SIMC1: variants seen among roughly 807,000 people sequenced by gnomAD.
The protein encoded by SIMC1 is SUMO interacting motifs containing 1.
Under a neutral mutation model 82.3 loss-of-function variants are expected in SIMC1, and 55 were observed. The ratio of observed to expected loss-of-function variants is 0.67; its 90% confidence interval spans 0.54 to 0.84. The LOEUF is 0.84. Ranked by LOEUF, SIMC1 falls within the 40% of genes least tolerant of loss-of-function variation. The probability of loss-of-function intolerance (pLI) is 0.00; values close to 1 mark genes in which losing one functional copy is unlikely to be tolerated. For missense variants in SIMC1, 915 were observed against 1,107.2 expected (o/e 0.83, Z 2.46); for synonymous variants, 353 against 426.3 (o/e 0.83, Z 2.12).
In SIMC1 at chr5:176,345,646, T is replaced by A. The variant is rs1049857656; in HGVS notation, c.*201T>A. The A allele has an allele frequency of 1.9e-5, 7 of 373,546 alleles. No individual in the cohort carries two copies. The highest frequency in any genetic ancestry group is 3.2e-5 in the Non-Finnish European group (7 of 216,358). 23.1% of individuals were successfully genotyped at this position (373,546 alleles called of 1,614,324 possible). On this transcript the variant is annotated 3_prime_UTR_variant, in exon 10 of 10. Coordinates refer to ENST00000429602, the MANE Select transcript of SIMC1 (RefSeq NM_001308195.2). The stretch of plus-strand genomic sequence containing the variant: ...AGCCTGTTCTCAAATATGGCTTAAA[T>A]ATACAAGGTATATATATTTTTTAAT...
chr5:176,329,387 C>T (rs1053650407), intron 7 of SIMC1, among the ~76,000 whole-genome samples: 1 of 151,466 alleles, frequency 6.6e-6, no homozygotes, highest in East Asian at 1.9e-4. Context: ...AGGAGAATGG[C>T]GTGAACCCGG....
In SIMC1 at chr5:176,290,734, C is replaced by G. The variant is rs1026670697; in HGVS notation, c.1210C>G (p.Pro404Ala). ...CTCTCCCAGCCCACAGTCTGAAACT[C>G]CCTTAGAGAAAGTTCCTTGGCTCTC... ...SCSPSPQSET[P>A]LEKVPWLSVM... Residue 404 changes from proline (P) to alanine (A), a missense_variant, in exon 2 of 10, where the codon CCC (proline) becomes GCC (alanine). Coordinates refer to ENST00000429602, the MANE Select transcript of SIMC1 (RefSeq NM_001308195.2). 6.2e-7 allele frequency: 1 copy of G among 1,613,592 alleles called. No individual in the cohort carries two copies. The highest frequency in any genetic ancestry group is 8.5e-7 in the Non-Finnish European group (1 of 1,179,746).
chr5:176,263,655 A>G (rs562756166), intron 1 of SIMC1, among the ~76,000 whole-genome samples: 2 of 152,322 alleles, frequency 1.3e-5, no homozygotes, highest in Admixed American at 6.5e-5. Context: ...TACCTCCAAC[A>G]TTGGGGATCA....
intron 6 of SIMC1, 90 bp from the exon 7 acceptor site, chr5:176,324,539 C>G (rs867506897): frequency 2.2e-6 from 3 of 1,357,254 alleles, no homozygotes; most frequent in Non-Finnish European, 2.0e-6. Context: ...TCTCTACTCT[C>G]GATGTACACT....
intron 9 of SIMC1, among the ~76,000 whole-genome samples, chr5:176,343,621 T>C (rs978433330): frequency 2.6e-5 from 4 of 152,218 alleles, no homozygotes; most frequent in Non-Finnish European, 5.9e-5. Flanking sequence ...TACCTATTGA[T>C]CCATGTATAT....
At chr5:176,273,385 G>T (rs952136128) in intron 1 of SIMC1, among the ~76,000 whole-genome samples, 1 of 152,120 alleles carries the variant, frequency 6.6e-6, no homozygotes, top group African/African-American at 2.4e-5. Context: ...CTGTTAGAAG[G>T]AAAACTAACA....
chr5:176,334,228 T>C (rs1003531763), intron 7 of SIMC1, among the ~76,000 whole-genome samples: 1 of 152,198 alleles, frequency 6.6e-6, no homozygotes, highest in South Asian at 2.1e-4. Flanking sequence ...CTGGACATTG[T>C]GGGCACTACA....
chr5:176,274,670 A>C (rs1389417542), intron 1 of SIMC1, among the ~76,000 whole-genome samples: 1 of 151,708 alleles, frequency 6.6e-6, no homozygotes, highest in African/African-American at 2.4e-5. Context: ...TCCATCTTGA[A>C]TTGATTTTCG....
At chr5:176,288,001 G>A (rs1220298184) in intron 1 of SIMC1, among the ~76,000 whole-genome samples, 1 of 152,186 alleles carries the variant, frequency 6.6e-6, no homozygotes, top group South Asian at 2.1e-4. Flanking sequence ...TCTGTGCTGT[G>A]TCTTGAAAGA....
intron 1 of SIMC1, among the ~76,000 whole-genome samples, chr5:176,256,787 A>G (rs1761862326): frequency 6.6e-6 from 1 of 152,132 alleles, no homozygotes; most frequent in Admixed American, 6.5e-5. Context: ...CTGTTACCCA[A>G]CCTGGAGTGC....
intron 5 of SIMC1, among the ~76,000 whole-genome samples, chr5:176,317,211 A>G (rs980559220): frequency 6.6e-6 from 1 of 152,202 alleles, no homozygotes; most frequent in Admixed American, 6.5e-5. Flanking sequence ...AACTTTGACA[A>G]TTTATTGTAT....
At chr5:176,276,292 T>C (rs1762691002) in intron 1 of SIMC1, among the ~76,000 whole-genome samples, 1 of 151,630 alleles carries the variant, frequency 6.6e-6, no homozygotes, top group South Asian at 2.1e-4. Flanking sequence ...GATGGTAGTT[T>C]GTATTTCTTT....
At chr5:176,281,757 G>A (rs888435191) in intron 1 of SIMC1, among the ~76,000 whole-genome samples, 36 of 152,158 alleles carry the variant, frequency 2.4e-4, no homozygotes, top group Non-Finnish European at 4.6e-4. Context: ...TTCGTGAACC[G>A]CGAATGCTGC....
intron 1 of SIMC1, among the ~76,000 whole-genome samples, chr5:176,273,998 A>G (rs1762566809): frequency 6.6e-6 from 1 of 150,892 alleles, no homozygotes; most frequent in Admixed American, 6.6e-5. Flanking sequence ...AGCATGATTT[A>G]TAGTCCTTTG....
chr5:176,318,734 G>T (rs1486541696), intron 5 of SIMC1, among the ~76,000 whole-genome samples: 2 of 152,228 alleles, frequency 1.3e-5, no homozygotes, highest in Non-Finnish European at 2.9e-5. Flanking sequence ...GAGGATAGAT[G>T]ATTTGCTTAG....
chr5:176,265,069 T>C (rs1762147379), intron 1 of SIMC1, among the ~76,000 whole-genome samples: 1 of 151,982 alleles, frequency 6.6e-6, no homozygotes, highest in African/African-American at 2.4e-5. Flanking sequence ...AATGAAACTG[T>C]CCCTATTTCC....
intron 4 of SIMC1, among the ~76,000 whole-genome samples, chr5:176,312,491 G>A (rs113254278): frequency 0.014 from 1,788 of 130,200 alleles, 46 homozygotes; most frequent in African/African-American, 0.049. Flanking sequence ...AGCCAAGATC[G>A]CGCCACTGCA....
chr5:176,318,117 G>C (rs1644451422), intron 5 of SIMC1, among the ~76,000 whole-genome samples: 2 of 151,994 alleles, frequency 1.3e-5, no homozygotes, highest in Non-Finnish European at 2.9e-5. Flanking sequence ...AGGCTGAAGT[G>C]AAGTTACAAA....
intron 1 of SIMC1, among the ~76,000 whole-genome samples, chr5:176,281,404 G>A (rs145845411): frequency 0.021 from 3,201 of 152,130 alleles, 122 homozygotes; most frequent in African/African-American, 0.072. Flanking sequence ...TAGTTTGATC[G>A]TCTGAAACCT....
Sources: gnomAD v4.1 joint callset for allele counts (sites outside exome capture counted in the v4.1 genomes callset) on GRCh38, gnomAD v4.1.1 for gene constraint, MANE v1.5 for transcripts, NCBI Gene and HGNC (gene_info 2026-07-23, HGNC 2026-07-21) for gene names.